The following SEC14L1 variants were observed in gnomAD, a reference collection of about 807,000 sequenced individuals.
SEC14L1 encodes SEC14-like protein 1.
Under a neutral mutation model 85.3 loss-of-function variants are expected in SEC14L1, and 48 were observed. That is an observed-to-expected ratio of 0.56 (90% CI 0.45 to 0.72). The LOEUF (loss-of-function observed/expected upper bound fraction) is 0.72, where lower values mean the gene tolerates loss of function less well. SEC14L1 is among the 30% of genes least tolerant of loss of function. The probability of loss-of-function intolerance (pLI) is 0.00; values close to 1 mark genes in which losing one functional copy is unlikely to be tolerated. For synonymous variants in SEC14L1, 391 were observed against 355.5 expected, an observed-to-expected ratio of 1.10 and a Z score of -1.12; for missense variants, 682 against 921.4, an observed-to-expected ratio of 0.74 and a Z score of 3.36.
intron 3 of SEC14L1, chr17:77,145,135 G>C (rs9909495): frequency 1.2e-4 from 17 of 143,616 alleles, no homozygotes; most frequent in African/African-American, 3.6e-4. Context: ...GTGTGTGTGT[G>C]TATATATACA....
At chr17:77,196,086 G>T in intron 7 of SEC14L1, 116 bp from the exon 8 acceptor site, 1 of 714,196 alleles carries the variant, frequency 1.4e-6, no homozygotes, top group East Asian at 2.7e-5. Flanking sequence ...CCATCTCTGC[G>T]GTTTCATGTG....
chr17:77,169,007 CTTTTTTTTTTTTTTTTTTT>C (rs71160208), intron 3 of SEC14L1, among the ~76,000 whole-genome samples: 1 of 77,832 alleles, frequency 1.3e-5, no homozygotes, highest in Non-Finnish European at 2.4e-5. Context: ...TGAGGAGCAT[CTTTTTTTTTTTTTTTTTTT>C]TTTTTTTTTT....
chr17:77,203,948 G>T (rs1976318048), intron 10 of SEC14L1, among the ~76,000 whole-genome samples: 1 of 151,890 alleles, frequency 6.6e-6, no homozygotes, highest in African/African-American at 2.4e-5. Context: ...CCTCTCTTGG[G>T]ACGCCACTCA....
chr17:77,173,792 C>G (rs553625439), intron 3 of SEC14L1, among the ~76,000 whole-genome samples: 151 of 152,260 alleles, frequency 9.9e-4, no homozygotes, highest in Admixed American at 2.5e-3. Flanking sequence ...GGGGCTGTCC[C>G]GGGAAATTCT....
chr17:77,194,797 A>G lies in SEC14L1; in HGVS notation c.595A>G (p.Lys199Glu), dbSNP rs1260633836. ...SSETSSSSSKKQAASMAVVIP... is the reference protein window; with the variant it reads ...SSETSSSSSKEQAASMAVVIP... ...AGAGACATCTTCATCATCCTCCAAG[A>G]AACAAGCAGCGTCCATGGCCGTCGT... The change falls in exon 7 of 17, where the codon AAA (lysine) becomes GAA (glutamate). Residue 199 changes from lysine to glutamate, a missense_variant. Lys to Glu is a moderately conservative substitution (Grantham distance 56, BLOSUM62 1). This residue lies in a region of SEC14L1 where 123 missense variants were observed against 100.6 expected (regional missense o/e 1.22). Coordinates refer to ENST00000436233, the MANE Select transcript of SEC14L1 (RefSeq NM_001143998.2). 6 of 1,614,208 alleles carry G rather than the reference A, an allele frequency of 3.7e-6. No homozygotes were observed. Among genetic ancestry groups the G allele is most frequent in the Non-Finnish European group, 5.1e-6 (6 of 1,180,016 alleles).
At chr17:77,150,534 T>C (rs926043970) in intron 3 of SEC14L1, among the ~76,000 whole-genome samples, 1 of 152,210 alleles carries the variant, frequency 6.6e-6, no homozygotes, top group African/African-American at 2.4e-5. Context: ...CAATTTCATA[T>C]ACAAAACAGG....
intron 3 of SEC14L1, among the ~76,000 whole-genome samples, chr17:77,183,022 C>T (rs905270840): frequency 6.6e-6 from 1 of 152,242 alleles, no homozygotes; most frequent in Non-Finnish European, 1.5e-5. Context: ...ACCAGAGCTT[C>T]GGGCAGACCT....
chr17:77,122,745 T>C (rs1474859956), intron 3 of SEC14L1, among the ~76,000 whole-genome samples: 1 of 152,206 alleles, frequency 6.6e-6, no homozygotes, highest in Non-Finnish European at 1.5e-5. Flanking sequence ...AACACACAAC[T>C]GCAAGGCAGA....
intron 3 of SEC14L1, among the ~76,000 whole-genome samples, chr17:77,132,857 T>TTTTTTTC: frequency 6.6e-6 from 1 of 151,834 alleles, no homozygotes; most frequent in African/African-American, 2.4e-5. Flanking sequence ...CCTCCTTTTT[T>TTTTTTTC]TTTTTTCTTT....
intron 3 of SEC14L1, among the ~76,000 whole-genome samples, chr17:77,125,000 T>TTATTA (rs1567879092): frequency 1.5e-3 from 86 of 57,100 alleles, no homozygotes; most frequent in Middle Eastern, 9.1e-3. Flanking sequence ...TATTATTATT[T>TTATTA]TTATTATTAT....
intron 3 of SEC14L1, among the ~76,000 whole-genome samples, chr17:77,156,292 C>T (rs770853915): frequency 2.6e-5 from 4 of 152,034 alleles, no homozygotes; most frequent in South Asian, 2.1e-4. Flanking sequence ...ATAGATTTCT[C>T]GGCCAGGCAC....
At chr17:77,185,339 C>T (rs551950888) in intron 3 of SEC14L1, 5 of 985,368 alleles carry the variant, frequency 5.1e-6, no homozygotes, top group East Asian at 1.1e-4. Context: ...GTTAGCTGCT[C>T]CTTAGCCTGG....
intron 11 of SEC14L1, among the ~76,000 whole-genome samples, chr17:77,205,599 T>C (rs1976425364): frequency 6.6e-6 from 1 of 152,186 alleles, no homozygotes; most frequent in Non-Finnish European, 1.5e-5. Context: ...AGCCCAGGGC[T>C]GCAGATCGTT....
chr17:77,168,323 A>G (rs1974375307), intron 3 of SEC14L1, among the ~76,000 whole-genome samples: 1 of 152,090 alleles, frequency 6.6e-6, no homozygotes, highest in African/African-American at 2.4e-5. Flanking sequence ...TTTTAACATG[A>G]TTTGGCTCTG....
intron 3 of SEC14L1, 139 bp from the exon 4 acceptor site, chr17:77,190,664 A>C: frequency 1.3e-6 from 1 of 762,794 alleles, no homozygotes; most frequent in Non-Finnish European, 2.1e-6. Context: ...CTTTAATGAA[A>C]GCTTCAGATG....
At chr17:77,098,053 G>T (rs1034963841) in intron 3 of SEC14L1, among the ~76,000 whole-genome samples, 2 of 152,322 alleles carry the variant, frequency 1.3e-5, no homozygotes, top group South Asian at 4.1e-4. Context: ...GAGAGGGCTG[G>T]GGGGCTGAGG....
Position 77,214,089 on chromosome 17 carries a change from C to A in SEC14L1, c.*66C>A, listed in dbSNP as rs1024299766. On this transcript the variant is annotated 3_prime_UTR_variant, in exon 17 of 17. Transcript: ENST00000436233. ...CCCCTCCTCGGACAGCCAGCTGCAC[C>A]CGCCCACCCAGCGGCGACATTGTAC... 48 of 1,567,634 alleles carry A rather than the reference C, an allele frequency of 3.1e-5. No homozygotes were observed. The highest frequency in any genetic ancestry group is 4.1e-5 in the Non-Finnish European group (47 of 1,156,434).
At position 77,216,641 on chromosome 17, in the gene SEC14L1, A is replaced by G. The variant is rs1026041300; in HGVS notation, c.*2618A>G. On this transcript the variant is annotated 3_prime_UTR_variant, in exon 17 of 17. Coordinates refer to ENST00000436233, the MANE Select transcript of SEC14L1 (RefSeq NM_001143998.2). ...TTATAGAACTGTTTGAATTGCAGCC[A>G]TCCCCTGCCCCCTCCCAGGCTGAAG... 1.9e-6 allele frequency: 3 copies of G among 1,611,176 alleles called. No homozygotes were observed. Among genetic ancestry groups the G allele is most frequent in the African/African-American group, 1.3e-5 (1 of 74,798 alleles).
In SEC14L1 at chr17:77,154,628, G is replaced by T. The variant is rs563510117; in HGVS notation, c.63+10969G>T. Among the ~76,000 whole-genome samples, 235 of 84,970 alleles carry T rather than the reference G, an allele frequency of 2.8e-3. 1 individual carries two copies. The highest frequency in any genetic ancestry group is 6.1e-3 in the African/African-American group (164 of 26,816). 55.7% of individuals were successfully genotyped at this position (84,970 alleles called of 152,430 possible). A position where few individuals can be genotyped will look rare whatever the true frequency, so the allele number is the denominator to read the frequency against. On this transcript the variant is annotated intron_variant, in intron 3 of 16. Transcript: ENST00000436233. ...GGGAGGACTCTACTGGCCCCTTCTGGTTTTTTTTGTTTTTTTTTGGTTTTT... is the reference window on the plus strand; with the variant it reads ...GGGAGGACTCTACTGGCCCCTTCTGTTTTTTTTTGTTTTTTTTTGGTTTTT...
Sources: gnomAD v4.1 joint callset for allele counts (sites outside exome capture counted in the v4.1 genomes callset) on GRCh38, gnomAD v4.1.1 for gene constraint, gnomAD v4.1.1 regional missense constraint, MANE v1.5 for transcripts, NCBI Gene and HGNC (gene_info 2026-07-23, HGNC 2026-07-21) for gene names.